The following SPOCK3 variants were observed in gnomAD, a reference collection of about 807,000 sequenced individuals.
SPOCK3 encodes testican-3.
Under a neutral mutation model 56.6 loss-of-function variants are expected in SPOCK3, and 30 were observed. The observed-to-expected ratio is 0.53, with a 90% CI of 0.40 to 0.72. The LOEUF (loss-of-function observed/expected upper bound fraction) is 0.72. Among genes scored for constraint, SPOCK3 ranks in the 30% least tolerant of loss-of-function variants. The pLI, the probability that SPOCK3 is intolerant of heterozygous loss-of-function variation, is 0.00. For synonymous variants in SPOCK3, 196 were observed against 183.3 expected, an observed-to-expected ratio of 1.07 and a Z score of -0.56; for missense variants, 527 against 530.0, an observed-to-expected ratio of 0.99 and a Z score of 0.06.
chr4:167,084,589 A>G (rs1446883518), intron 2 of SPOCK3, among the ~76,000 whole-genome samples: 1 of 152,092 alleles, frequency 6.6e-6, no homozygotes, highest in African/African-American at 2.4e-5. Context: ...AGTGATGACT[A>G]GTACTGCCTT....
At chr4:166,772,830 C>T (rs1468073890) in intron 7 of SPOCK3, among the ~76,000 whole-genome samples, 2 of 152,114 alleles carry the variant, frequency 1.3e-5, no homozygotes, top group African/African-American at 4.8e-5. Context: ...CTTACTCTGT[C>T]ACCCAGGCTG....
At chr4:167,049,745 T>C (rs1394277979) in intron 3 of SPOCK3, among the ~76,000 whole-genome samples, 1 of 152,114 alleles carries the variant, frequency 6.6e-6, no homozygotes, top group Non-Finnish European at 1.5e-5. Context: ...TTCTAAAAAT[T>C]AGAATACAAG....
intron 5 of SPOCK3, among the ~76,000 whole-genome samples, chr4:166,889,892 C>T (rs945163771): frequency 7.9e-5 from 12 of 151,864 alleles, no homozygotes; most frequent in African/African-American, 2.7e-4. Context: ...TATTTACATA[C>T]AAAATAAACC....
intron 3 of SPOCK3, among the ~76,000 whole-genome samples, chr4:167,058,000 C>A (rs1205378871): frequency 6.6e-6 from 1 of 152,116 alleles, no homozygotes; most frequent in Non-Finnish European, 1.5e-5. Context: ...TTCAGCACCA[C>A]ACCACACCTA....
intron 6 of SPOCK3, among the ~76,000 whole-genome samples, chr4:166,805,648 T>C (rs544882995): frequency 3.0e-4 from 45 of 152,242 alleles, no homozygotes; most frequent in South Asian, 1.0e-3. Flanking sequence ...TACTTCTGCA[T>C]AATATTGATA....
At chr4:167,168,226 G>A (rs1024344956) in intron 2 of SPOCK3, among the ~76,000 whole-genome samples, 12 of 152,112 alleles carry the variant, frequency 7.9e-5, no homozygotes, top group Admixed American at 7.2e-4. Context: ...AGAGTGCGGT[G>A]CTGCTGTAAA....
At chr4:166,770,599 G>A (rs1738801419) in intron 7 of SPOCK3, among the ~76,000 whole-genome samples, 1 of 151,904 alleles carries the variant, frequency 6.6e-6, no homozygotes, top group Non-Finnish European at 1.5e-5. Flanking sequence ...TTGAAAATAA[G>A]GCAAGATAAG....
chr4:166,859,083 T>C (rs1730976762), intron 6 of SPOCK3, among the ~76,000 whole-genome samples: 1 of 152,200 alleles, frequency 6.6e-6, no homozygotes, highest in Non-Finnish European at 1.5e-5. Flanking sequence ...CTTACCATTG[T>C]GTTACAATTG....
chr4:166,803,882 T>G (rs572078374), intron 6 of SPOCK3, among the ~76,000 whole-genome samples: 31 of 152,286 alleles, frequency 2.0e-4, no homozygotes, highest in African/African-American at 7.5e-4. Flanking sequence ...CCTACTGTTT[T>G]ATTAAATGCA....
intron 2 of SPOCK3, among the ~76,000 whole-genome samples, chr4:167,126,109 A>G (rs1290030897): frequency 6.6e-6 from 1 of 152,170 alleles, no homozygotes; most frequent in Non-Finnish European, 1.5e-5. Context: ...AAAAGAAAAG[A>G]GTGAAAATTG....
chr4:166,809,720 T>C (rs1287594151), intron 6 of SPOCK3, among the ~76,000 whole-genome samples: 1 of 152,086 alleles, frequency 6.6e-6, no homozygotes, highest in African/African-American at 2.4e-5. Context: ...GATAAAGAGA[T>C]AAGCAGCCCC....
chr4:166,821,091 TA>T (rs2126761213), intron 6 of SPOCK3, among the ~76,000 whole-genome samples: 1 of 151,978 alleles, frequency 6.6e-6, no homozygotes, highest in South Asian at 2.1e-4. Context: ...AGAAATATTA[TA>T]ATTCAATAAG....
chr4:167,003,334 G>A (rs1266023566), intron 3 of SPOCK3, among the ~76,000 whole-genome samples: 2 of 152,116 alleles, frequency 1.3e-5, no homozygotes, highest in African/African-American at 4.8e-5. Flanking sequence ...CAGATACATA[G>A]CATGTACAAT....
intron 2 of SPOCK3, among the ~76,000 whole-genome samples, chr4:167,154,243 G>A (rs1274214782): frequency 6.6e-6 from 1 of 151,806 alleles, no homozygotes; most frequent in East Asian, 1.9e-4. Context: ...CAATGTTTAT[G>A]AACACTGCAT....
chr4:166,833,381 G>T (rs1048805931), intron 6 of SPOCK3, among the ~76,000 whole-genome samples: 2 of 152,040 alleles, frequency 1.3e-5, no homozygotes, highest in Admixed American at 1.3e-4. Context: ...TATTATTCAG[G>T]TCTTCTATAA....
At chr4:167,163,959 T>C (rs954623904) in intron 2 of SPOCK3, among the ~76,000 whole-genome samples, 2 of 152,148 alleles carry the variant, frequency 1.3e-5, no homozygotes, top group Non-Finnish European at 1.5e-5. Context: ...AGAAAAGTCT[T>C]CATTTACTCC....
intron 2 of SPOCK3, among the ~76,000 whole-genome samples, chr4:167,167,123 G>C (rs1019907362): frequency 6.6e-6 from 1 of 151,904 alleles, no homozygotes; most frequent in Admixed American, 6.6e-5. Context: ...ATTTCACCTT[G>C]ACATTTTGTA....
At chr4:166,833,240 G>C (rs368009063) in intron 6 of SPOCK3, among the ~76,000 whole-genome samples, 2 of 152,126 alleles carry the variant, frequency 1.3e-5, no homozygotes, top group African/African-American at 4.8e-5. Context: ...TTTCAATTCT[G>C]TTGATGTTTG....
At chr4:167,226,795 T>C (rs1027712493) in intron 2 of SPOCK3, among the ~76,000 whole-genome samples, 1 of 152,030 alleles carries the variant, frequency 6.6e-6, no homozygotes, top group African/African-American at 2.4e-5. Context: ...GAAGCTTGCT[T>C]GAGGGAGTAA....
Sources: gnomAD v4.1 joint callset for allele counts (sites outside exome capture counted in the v4.1 genomes callset) on GRCh38, gnomAD v4.1.1 for gene constraint, MANE v1.5 for transcripts, NCBI Gene and HGNC (gene_info 2026-07-23, HGNC 2026-07-21) for gene names.